Variants in ACO1 observed in about 807,000 individuals in gnomAD.
ACO1 encodes the protein aconitase 1, also known as cytoplasmic aconitate hydratase.
A neutral mutation model predicts 105.1 loss-of-function variants in ACO1; 78 were observed. The ratio of observed to expected loss-of-function variants is 0.74; its 90% CI spans 0.62 to 0.90. The LOEUF (loss-of-function observed/expected upper bound fraction) is 0.90, where lower values mean the gene tolerates loss of function less well. Ranked by LOEUF, ACO1 falls within the 40% of genes least tolerant of loss-of-function variation. The pLI is 0.00. For synonymous variants in ACO1, 364 were observed against 397.4 expected, an observed-to-expected ratio of 0.92 and a Z score of 1.00; for missense variants, 965 against 1,111.1, an observed-to-expected ratio of 0.87 and a Z score of 1.87.
chr9:32,426,138 A>T (rs1245060310), intron 11 of ACO1, 141 bp downstream of exon 11: 1 of 809,262 alleles, frequency 1.2e-6, no homozygotes, highest in Non-Finnish European at 1.9e-6. Context: ...TTATTGGCCC[A>T]TAAATATCTA....
At chr9:32,406,187 C>G (rs754923966) in intron 2 of ACO1, among the ~76,000 whole-genome samples, 1 of 152,098 alleles carries the variant, frequency 6.6e-6, no homozygotes, top group Admixed American at 6.5e-5. Flanking sequence ...GGTTTTGTTT[C>G]CTTTGAAAGA....
At chr9:32,440,088 G>A (rs1245199811) in intron 18 of ACO1, among the ~76,000 whole-genome samples, 2 of 152,068 alleles carry the variant, frequency 1.3e-5, no homozygotes, top group Non-Finnish European at 2.9e-5. Flanking sequence ...CCAACATGGT[G>A]AAACCCCATC....
intron 4 of ACO1, among the ~76,000 whole-genome samples, chr9:32,416,937 C>T (rs1471988716): frequency 6.6e-6 from 1 of 152,188 alleles, no homozygotes; most frequent in Non-Finnish European, 1.5e-5. Flanking sequence ...GCTCTGAGCG[C>T]CCACAACGTA....
chr9:32,442,973 CTA>C (rs1263090424), intron 19 of ACO1, among the ~76,000 whole-genome samples: 1 of 152,104 alleles, frequency 6.6e-6, no homozygotes, highest in Admixed American at 6.5e-5. Flanking sequence ...TTATTTATCA[CTA>C]GAGGATAACA....
intron 10 of ACO1, 70 bp downstream of exon 10, chr9:32,424,735 T>C: frequency 1.9e-6 from 2 of 1,031,176 alleles, no homozygotes; most frequent in Non-Finnish European, 3.0e-6. Flanking sequence ...GCGTCCAGGC[T>C]TTCATCCCAC....
intron 4 of ACO1, among the ~76,000 whole-genome samples, chr9:32,416,604 T>G (rs1290753970): frequency 6.6e-6 from 1 of 152,156 alleles, no homozygotes; most frequent in African/African-American, 2.4e-5. Context: ...CAGTGATGAT[T>G]GCATTCTTTT....
chr9:32,445,671 G>C (rs1447676583), intron 19 of ACO1: 1 of 237,708 alleles, frequency 4.2e-6, no homozygotes, highest in East Asian at 1.7e-4. Context: ...GAGTTTGTTT[G>C]CTCTTGCTTC....
chr9:32,424,938 C>G (rs889559850), intron 10 of ACO1, among the ~76,000 whole-genome samples: 8 of 152,190 alleles, frequency 5.3e-5, no homozygotes, highest in Admixed American at 4.6e-4. Flanking sequence ...GGTTTTCTAG[C>G]TGTTGCACCT....
intron 13 of ACO1, among the ~76,000 whole-genome samples, chr9:32,429,839 G>T (rs1822186742): frequency 1.3e-5 from 2 of 152,190 alleles, no homozygotes; most frequent in Admixed American, 1.3e-4. Context: ...GGGCTCTACA[G>T]TTGTTTGTTA....
chr9:32,422,815 T>C (rs776136081), intron 8 of ACO1, among the ~76,000 whole-genome samples: 1 of 152,180 alleles, frequency 6.6e-6, no homozygotes, highest in Non-Finnish European at 1.5e-5. Flanking sequence ...CTTAAGACTA[T>C]GATAAAGGAT....
At chr9:32,427,480 T>G in intron 12 of ACO1, 44 bp downstream of exon 12, 1 of 1,612,610 alleles carries the variant, frequency 6.2e-7, no homozygotes. Flanking sequence ...TGTTGAATTG[T>G]ATCCCTCATG....
At chr9:32,425,422 T>C (rs1405650580) in intron 10 of ACO1, among the ~76,000 whole-genome samples, 1 of 152,232 alleles carries the variant, frequency 6.6e-6, no homozygotes, top group African/African-American at 2.4e-5. Context: ...TAGCGCCTTT[T>C]TCTAAATTTC....
chr9:32,422,982 G>A (rs1406538728), intron 8 of ACO1, among the ~76,000 whole-genome samples: 1 of 152,160 alleles, frequency 6.6e-6, no homozygotes, highest in East Asian at 1.9e-4. Context: ...AAATGCATAG[G>A]TGTGCTTTCA....
intron 19 of ACO1, among the ~76,000 whole-genome samples, chr9:32,444,413 A>G (rs954888011): frequency 2.6e-5 from 4 of 152,116 alleles, no homozygotes; most frequent in African/African-American, 4.8e-5. Context: ...ATCTTCCACA[A>G]TGGTTGAACT....
chr9:32,446,240 T>C (rs1450215941), intron 19 of ACO1, among the ~76,000 whole-genome samples: 1 of 152,230 alleles, frequency 6.6e-6, no homozygotes, highest in East Asian at 1.9e-4. Context: ...TGTGGGAGTC[T>C]AAGTCTCTTT....
chr9:32,400,877 C>G (rs1821480321), intron 1 of ACO1, among the ~76,000 whole-genome samples: 1 of 149,618 alleles, frequency 6.7e-6, no homozygotes, highest in Non-Finnish European at 1.5e-5. Context: ...AACTTTATGT[C>G]TTTCTTTTTT....
Position 32,451,568 on chromosome 9 carries a change from T to C in ACO1, c.*1457T>C, listed in dbSNP as rs753998687. On this transcript the variant is annotated 3_prime_UTR_variant, in exon 21 of 21. Transcript: ENST00000309951. ...GCCCAGGAACAAGCAGGAGCTGTGATGTCCAAGGACAGGAGGGCAGGATCT... is the reference window on the plus strand; with the variant it reads ...GCCCAGGAACAAGCAGGAGCTGTGACGTCCAAGGACAGGAGGGCAGGATCT... The C allele has an allele frequency of 3.9e-5, 6 of 152,182 alleles. No individual in the cohort carries two copies. The highest frequency in any genetic ancestry group is 7.3e-5 in the Non-Finnish European group (5 of 68,052). The allele number at this position is 152,182 out of a possible 1,614,324, so 9.4% of individuals were successfully genotyped here.
rs769521905 is a variant in ACO1 at position 32,433,713 on chromosome 9, C to CT, written c.1852-11dup. ...ATGGGATGTGATTAGATCTGCCTTT[C>CT]TTTTCTTTTTTAAGACTGTGAATGA... On this transcript the variant is annotated splice_polypyrimidine_tract_variant and intron_variant, in intron 15 of 20. Coordinates refer to ENST00000309951, the MANE Select transcript of ACO1 (RefSeq NM_002197.3). The CT allele has an allele frequency of 5.1e-6, 8 of 1,582,442 alleles. No individual in the cohort carries two copies. The South Asian group carries it at 9.3e-5, about 18-fold the overall frequency.
In ACO1 at chr9:32,439,530, T is replaced by C. The variant is rs1472661648; in HGVS notation, c.2248-935T>C. Among the ~76,000 whole-genome samples the C allele has an allele frequency of 2.6e-5, 4 of 152,256 alleles. No individual in the cohort carries two copies. The highest frequency in any genetic ancestry group is 9.6e-5 in the African/African-American group (4 of 41,470). On this transcript the variant is annotated intron_variant, in intron 18 of 20. Coordinates refer to ENST00000309951, the MANE Select transcript of ACO1 (RefSeq NM_002197.3). This position sits in a 1 kb window ranked among gnomAD's most constrained non-coding sequence, Gnocchi z 4.0. ...TGCTCAACCACCAGAGATGATATCA[T>C]GTCTTTGTAAAGTCTCAGTTCAGTG...
Sources: allele counts gnomAD v4.1 joint callset (sites outside exome capture counted in the v4.1 genomes callset), GRCh38; gene constraint gnomAD v4.1.1; non-coding constraint Gnocchi (gnomAD v3.1); transcripts MANE v1.5; gene names NCBI Gene and HGNC (gene_info 2026-07-23, HGNC 2026-07-21).